ABCB1: variants seen among roughly 807,000 people sequenced by gnomAD.
ABCB1 encodes ATP binding cassette subfamily B member 1.
ABCB1 carries 69 observed loss-of-function variants against 142.0 expected under a neutral mutation model. That is an observed-to-expected ratio of 0.49 (90% CI 0.40 to 0.59). ABCB1 has a LOEUF of 0.59. ABCB1 is among the 20% of genes least tolerant of loss of function. The probability of loss-of-function intolerance (pLI) is 0.00; values close to 1 mark genes in which losing one functional copy is unlikely to be tolerated. For synonymous variants in ABCB1, 532 were observed against 539.2 expected (o/e 0.99, Z 0.18); for missense variants, 1,326 against 1,554.7 (o/e 0.85, Z 2.47).
chr7:87,591,230 G>T (rs1362922051), intron 3 of ABCB1, among the ~76,000 whole-genome samples: 1 of 152,116 alleles, frequency 6.6e-6, no homozygotes, highest in East Asian at 1.9e-4. Context: ...AGCTGAAAAA[G>T]GGAAGGAAAC....
chr7:87,702,142 CAAAAAAAAAAAAAAAA>C lies in ABCB1; in HGVS notation c.-331+11003_-331+11018del, dbSNP rs146127516. ...TGGGCAAAAGAGCGAGACTCTGTCT[CAAAAAAAAAAAAAAAA>C]AAAAAAAAAAAAAACAGAGATACTT... is the stretch of plus-strand genomic sequence containing the variant. On this transcript the variant is annotated intron_variant, in intron 1 of 28. Transcript: ENST00000265724. Among the ~76,000 whole-genome samples, 40 of 16,776 alleles carry C rather than the reference CAAAAAAAAAAAAAAAA, an allele frequency of 2.4e-3. 2 individuals carry two copies. In the East Asian group the frequency reaches 0.11, roughly 44 times the overall value. 11.0% of individuals were successfully genotyped at this position (16,776 alleles called of 152,430 possible). A position where few individuals can be genotyped will look rare whatever the true frequency, so the allele number is the denominator to read the frequency against.
intron 7 of ABCB1, among the ~76,000 whole-genome samples, chr7:87,563,885 C>G (rs59112334): frequency 6.6e-6 from 1 of 151,962 alleles, no homozygotes; most frequent in Non-Finnish European, 1.5e-5. Flanking sequence ...GAGCTGGAGG[C>G]CATTATGCTT....
At chr7:87,625,038 C>G (rs1372486440) in intron 1 of ABCB1, among the ~76,000 whole-genome samples, 1 of 152,130 alleles carries the variant, frequency 6.6e-6, no homozygotes, top group Non-Finnish European at 1.5e-5. Flanking sequence ...GGGCGGATCA[C>G]GAGGTCAGGA....
rs1554445753 is a variant in ABCB1, at chr7:87,628,626, G to GTGTGT, written c.-330-27549_-330-27548insACACA. On this transcript the variant is annotated intron_variant, in intron 1 of 28. Coordinates refer to the ABCB1 transcript ENST00000265724. ...GTGTGTGTGTGTGTGTGTGTGTGTG[G>GTGTGT]AGCTCGGGTGCCAAGGGCGAGCCGT... The GTGTGT allele has an allele frequency of 8.7e-6, 3 of 345,526 alleles. No individual in the cohort carries two copies. In the Admixed American group the frequency reaches 1.5e-4, roughly 17 times the overall value. The allele number at this position is 345,526 out of a possible 1,614,324, so 21.4% of individuals were successfully genotyped here.
intron 1 of ABCB1, among the ~76,000 whole-genome samples, chr7:87,607,477 T>C (rs954888105): frequency 1.3e-5 from 2 of 152,236 alleles, no homozygotes; most frequent in African/African-American, 4.8e-5. Context: ...TGACACTTTA[T>C]AGCTTATCCA....
At chr7:87,630,785 CT>C (rs1248000575) in intron 1 of ABCB1, among the ~76,000 whole-genome samples, 2 of 150,882 alleles carry the variant, frequency 1.3e-5, no homozygotes, top group African/African-American at 4.9e-5. Flanking sequence ...GTTCCTTTTG[CT>C]TCTCCATTTT....
At chr7:87,710,030 G>A (rs1432748140) in intron 1 of ABCB1, among the ~76,000 whole-genome samples, 2 of 151,954 alleles carry the variant, frequency 1.3e-5, no homozygotes, top group East Asian at 3.9e-4. Flanking sequence ...ATTCTCTGGG[G>A]ACACCCAAAT....
At chr7:87,679,809 C>A (rs2130580681) in intron 1 of ABCB1, among the ~76,000 whole-genome samples, 1 of 150,546 alleles carries the variant, frequency 6.6e-6, no homozygotes, top group East Asian at 2.0e-4. Context: ...GAAACCTTAG[C>A]AAATTTAAAA....
chr7:87,611,625 A>G (rs1260523597), intron 1 of ABCB1, among the ~76,000 whole-genome samples: 1 of 151,980 alleles, frequency 6.6e-6, no homozygotes, highest in East Asian at 1.9e-4. Flanking sequence ...TCCACTGTTA[A>G]TAAGCACCTA....
intron 1 of ABCB1, among the ~76,000 whole-genome samples, chr7:87,608,700 AC>A (rs1235015914): frequency 1.3e-5 from 2 of 152,164 alleles, no homozygotes; most frequent in African/African-American, 4.8e-5. Context: ...TAGACTTTGA[AC>A]TTGTTTAATC....
intron 1 of ABCB1, among the ~76,000 whole-genome samples, chr7:87,679,081 C>T (rs990005843): frequency 4.8e-5 from 6 of 123,796 alleles, no homozygotes; most frequent in African/African-American, 1.6e-4. Context: ...TTATAAAACA[C>T]CCCAACTTTT....
intron 1 of ABCB1, among the ~76,000 whole-genome samples, chr7:87,606,702 T>C (rs1285978556): frequency 6.6e-6 from 1 of 152,072 alleles, no homozygotes; most frequent in Non-Finnish European, 1.5e-5. Flanking sequence ...TGGTGTAATA[T>C]TAGAGATAAA....
chr7:87,530,785 A>G (rs1036028437), intron 21 of ABCB1, among the ~76,000 whole-genome samples: 6 of 129,796 alleles, frequency 4.6e-5, no homozygotes, highest in Non-Finnish European at 8.5e-5. Context: ...AGCTTGAAAG[A>G]AAAGAAAGAA....
At chr7:87,521,309 T>C (rs1006300448) in intron 21 of ABCB1, among the ~76,000 whole-genome samples, 1 of 152,226 alleles carries the variant, frequency 6.6e-6, no homozygotes, top group Non-Finnish European at 1.5e-5. Flanking sequence ...AATTGAAGAA[T>C]GTTTGGAAAA....
intron 5 of ABCB1, among the ~76,000 whole-genome samples, chr7:87,567,845 A>G (rs1198327510): frequency 1.3e-5 from 2 of 152,312 alleles, no homozygotes; most frequent in East Asian, 1.9e-4. Context: ...CTATAATCCC[A>G]GCACTTTGGG....
intron 1 of ABCB1, among the ~76,000 whole-genome samples, chr7:87,657,408 C>CA (rs1331447899): frequency 2.0e-5 from 3 of 152,062 alleles, no homozygotes; most frequent in Admixed American, 2.0e-4. Context: ...AAACATCACA[C>CA]AAAAAAACCG....
intron 1 of ABCB1, among the ~76,000 whole-genome samples, chr7:87,684,746 CAAAAAAA>C (rs71524694): frequency 1.6e-4 from 6 of 37,790 alleles, no homozygotes; most frequent in Admixed American, 8.2e-4. Context: ...GACTCCGTCT[CAAAAAAA>C]AAAAAAAAAA....
intron 1 of ABCB1, among the ~76,000 whole-genome samples, chr7:87,710,021 T>C (rs1829926215): frequency 6.6e-6 from 1 of 152,178 alleles, no homozygotes; most frequent in South Asian, 2.1e-4. Flanking sequence ...GCTTTTAGAA[T>C]TCTCTGGGGA....
intron 23 of ABCB1, among the ~76,000 whole-genome samples, chr7:87,518,097 C>T (rs1046381096): frequency 2.0e-5 from 3 of 152,136 alleles, no homozygotes; most frequent in African/African-American, 7.2e-5. Context: ...CTTGGGAACC[C>T]GCCCAGAATA....
Sources: allele counts gnomAD v4.1 joint callset (sites outside exome capture counted in the v4.1 genomes callset), GRCh38; gene constraint gnomAD v4.1.1; transcripts MANE v1.5; gene names NCBI Gene and HGNC (gene_info 2026-07-23, HGNC 2026-07-21).